The following ATP2B2 variants were observed in gnomAD, a reference collection of about 807,000 sequenced individuals.
The protein encoded by ATP2B2 is ATPase plasma membrane Ca2+ transporting 2, also known as plasma membrane calcium-transporting ATPase 2.
ATP2B2 carries 15 observed loss-of-function variants against 120.0 expected under a neutral mutation model. The ratio of observed to expected loss-of-function variants is 0.12; its 90% CI spans 0.08 to 0.19. ATP2B2 has a LOEUF of 0.19. ATP2B2 is among the 10% of genes least tolerant of loss of function. ATP2B2 has a pLI of 1.00. For synonymous variants in ATP2B2, 694 were observed against 700.3 expected (o/e 0.99, Z 0.14); for missense variants, 1,045 against 1,719.8 (o/e 0.61, Z 6.94).
At chr3:10,622,611 C>T (rs2069581251) in intron 1 of ATP2B2, among the ~76,000 whole-genome samples, 1 of 152,154 alleles carries the variant, frequency 6.6e-6, no homozygotes, top group African/African-American at 2.4e-5. Flanking sequence ...GAGGCTGAAG[C>T]CATCCCAGCT....
rs114957495 is a variant in ATP2B2 at position 10,701,568 on chromosome 3, A to G, written c.-460+6347T>C. Among the ~76,000 whole-genome samples, 663 of 151,638 alleles carry G rather than the reference A, an allele frequency of 4.4e-3. 8 individuals are homozygous for G. Among genetic ancestry groups the G allele is most frequent in the African/African-American group, 0.015 (617 of 41,308 alleles). ...ATTTCATAAGAAACGCATTCATCCA[A>G]TGTACATTTATTAACCACCTACTAT... On this transcript the variant is annotated intron_variant, in intron 1 of 21. Transcript: ENST00000646379.
At chr3:10,491,092 G>A (rs1477844522) in intron 1 of ATP2B2, among the ~76,000 whole-genome samples, 11 of 152,046 alleles carry the variant, frequency 7.2e-5, no homozygotes, top group Admixed American at 7.2e-4. Context: ...TGGGTCTCAG[G>A]GGTGCTTGGT....
chr3:10,462,624 A>C (rs2064540868), intron 1 of ATP2B2, among the ~76,000 whole-genome samples: 1 of 152,220 alleles, frequency 6.6e-6, no homozygotes, highest in African/African-American at 2.4e-5. Context: ...TGAGGCTCAG[A>C]GAGGTAAAAT....
chr3:10,608,031 C>A (rs2069132411), intron 2 of ATP2B2, among the ~76,000 whole-genome samples: 1 of 152,224 alleles, frequency 6.6e-6, no homozygotes, highest in South Asian at 2.1e-4. Flanking sequence ...ACTTTGAAAT[C>A]ATCCCTGACA....
intron 1 of ATP2B2, among the ~76,000 whole-genome samples, chr3:10,492,964 T>G (rs748408087): frequency 6.6e-5 from 10 of 152,204 alleles, no homozygotes; most frequent in Non-Finnish European, 1.0e-4. Context: ...AGAGAAGGGC[T>G]GTTCTGGGTT....
At chr3:10,414,393 G>T (rs1349112839) in intron 2 of ATP2B2, among the ~76,000 whole-genome samples, 1 of 152,190 alleles carries the variant, frequency 6.6e-6, no homozygotes, top group African/African-American at 2.4e-5. Context: ...AGACAGAGCA[G>T]GGGCTGCAAA....
At chr3:10,427,647 C>T (rs924199475) in intron 2 of ATP2B2, among the ~76,000 whole-genome samples, 1 of 152,210 alleles carries the variant, frequency 6.6e-6, no homozygotes, top group African/African-American at 2.4e-5. Context: ...CACAAAGACA[C>T]AGTCTGGGAT....
At chr3:10,526,359 G>T (rs974561101) in intron 3 of ATP2B2, among the ~76,000 whole-genome samples, 1 of 152,174 alleles carries the variant, frequency 6.6e-6, no homozygotes, top group East Asian at 1.9e-4. Context: ...GGAAGCTGGG[G>T]TTCCAATCAT....
At chr3:10,464,453 C>T (rs2064647870) in intron 1 of ATP2B2, among the ~76,000 whole-genome samples, 1 of 152,138 alleles carries the variant, frequency 6.6e-6, no homozygotes, top group African/African-American at 2.4e-5. Context: ...TATAGCTTGG[C>T]TCCCTCCATT....
rs749814396 is a variant in ATP2B2, at chr3:10,358,759, C to G, written c.2068G>C (p.Glu690Gln). The G allele has an allele frequency of 7.4e-6, 12 of 1,614,138 alleles. No homozygotes were observed. The South Asian group carries it at 1.3e-4, about 18-fold the overall frequency. ...PSSPEPDWDN[E>Q]NDILNELTCI... ...GTGAGTTCGTTGAGGATGTCATTCT[C>G]ATTGTCCCAGTCCGGCTCCGGGCTG... The change falls in exon 14 of 23, where the codon GAG (glutamate) becomes CAG (glutamine). Residue 690 changes from glutamate (E) to glutamine (Q), a missense_variant. Transcript: ENST00000360273.
At chr3:10,599,765 A>T (rs2068855503) in intron 2 of ATP2B2, among the ~76,000 whole-genome samples, 2 of 132,974 alleles carry the variant, frequency 1.5e-5, no homozygotes, top group Non-Finnish European at 3.1e-5. Context: ...AGAAAAATAA[A>T]GCCCTGTGCT....
At chr3:10,652,623 T>C (rs1266956688) in intron 1 of ATP2B2, among the ~76,000 whole-genome samples, 1 of 152,068 alleles carries the variant, frequency 6.6e-6, no homozygotes, top group African/African-American at 2.4e-5. Context: ...CCAAAAAGAA[T>C]TGAAAGCAGG....
At chr3:10,543,911 G>A (rs1197217741) in intron 2 of ATP2B2, among the ~76,000 whole-genome samples, 1 of 152,012 alleles carries the variant, frequency 6.6e-6, no homozygotes, top group Non-Finnish European at 1.5e-5. Context: ...TCTAATTTTT[G>A]TATTTTTAGT....
intron 2 of ATP2B2, among the ~76,000 whole-genome samples, chr3:10,444,803 C>A (rs895446207): frequency 6.6e-6 from 1 of 152,364 alleles, no homozygotes; most frequent in African/African-American, 2.4e-5. Flanking sequence ...ATGGGTGACA[C>A]AGGGTGTCCT....
Position 10,344,824 on chromosome 3 carries a change from T to C in ATP2B2, c.2703+560A>G, listed in dbSNP as rs569273986. 4.6e-5 allele frequency among the ~76,000 whole-genome samples: 7 copies of C among 152,302 alleles called. No individual in the cohort carries two copies. The East Asian group carries it at 1.2e-3, about 25-fold the overall frequency. On this transcript the variant is annotated intron_variant, in intron 18 of 22. Transcript: ENST00000360273. ...GGGCCTGCCTGCCAGGCTCAGTGCA[T>C]AGGGCTGCTCCAGACCCAGTCGTGG...
intron 3 of ATP2B2, among the ~76,000 whole-genome samples, chr3:10,512,827 G>A (rs948717194): frequency 2.2e-4 from 33 of 152,212 alleles, no homozygotes; most frequent in Non-Finnish European, 3.4e-4. Flanking sequence ...GGTGCAAAGA[G>A]TTTGGGAGCT....
At chr3:10,658,746 C>A (rs1318474581) in intron 1 of ATP2B2, among the ~76,000 whole-genome samples, 1 of 151,984 alleles carries the variant, frequency 6.6e-6, no homozygotes, top group Non-Finnish European at 1.5e-5. Context: ...ACAGAGAATG[C>A]CACAAAGATA....
chr3:10,346,326 C>T lies in ATP2B2; in HGVS notation c.2405-189G>A, dbSNP rs564375287. 6.6e-6 allele frequency among the ~76,000 whole-genome samples: 1 copy of T among 152,374 alleles called. No individual in the cohort carries two copies. Among genetic ancestry groups the T allele is most frequent in the East Asian group, 1.9e-4 (1 of 5,188 alleles). ...GCTGCCAGCAGGTTACAGTGGGCTC[C>T]TTACTGGGCTGGTGCCGACTTGGGG... On this transcript the variant is annotated intron_variant, in intron 16 of 22. Coordinates refer to ENST00000360273, the MANE Select transcript of ATP2B2 (RefSeq NM_001001331.4). This position sits in a 1 kb window ranked among gnomAD's most constrained non-coding sequence, Gnocchi z 4.1.
At chr3:10,606,291 G>A (rs1012412901) in intron 2 of ATP2B2, among the ~76,000 whole-genome samples, 2 of 152,062 alleles carry the variant, frequency 1.3e-5, no homozygotes, top group African/African-American at 4.8e-5. Context: ...GGGTAGTACT[G>A]TACCCATATA....
Sources: allele counts gnomAD v4.1 joint callset (sites outside exome capture counted in the v4.1 genomes callset), GRCh38; gene constraint gnomAD v4.1.1; non-coding constraint Gnocchi (gnomAD v3.1); transcripts MANE v1.5; gene names NCBI Gene and HGNC (gene_info 2026-07-23, HGNC 2026-07-21).